Variants in HK2 observed in about 807,000 individuals in gnomAD.
The protein encoded by HK2 is hexokinase-2.
In HK2, 42 loss-of-function variants were observed where a neutral mutation model predicts 92.9. That is an observed-to-expected ratio of 0.45 (90% CI 0.35 to 0.58). HK2 has a LOEUF of 0.58. HK2 is among the 20% of genes least tolerant of loss of function. The pLI is 0.00. For synonymous variants in HK2, 422 were observed against 468.0 expected (o/e 0.90, Z 1.27); for missense variants, 978 against 1,245.1 (o/e 0.79, Z 3.23).
Position 74,853,785 on chromosome 2 carries a change from A to G in HK2, c.64-508A>G, listed in dbSNP as rs79411600. On this transcript the variant is annotated intron_variant, in intron 1 of 17. Transcript: ENST00000290573. ...GGATTTTGAGCTTTGTTCCAATGGA[A>G]AGCCCTGAAAGCCGGGGATCAGCGG... is the stretch of plus-strand genomic sequence containing the variant. Among the ~76,000 whole-genome samples, 1,367 of 152,086 alleles carry G rather than the reference A, an allele frequency of 9.0e-3. 15 individuals carry two copies. Among genetic ancestry groups the G allele is most frequent in the East Asian group, 0.068 (352 of 5,178 alleles).
intron 2 of HK2, among the ~76,000 whole-genome samples, chr2:74,860,964 G>A (rs545427487): frequency 2.7e-4 from 41 of 152,154 alleles, no homozygotes; most frequent in African/African-American, 8.7e-4. Context: ...ATTCATTTGC[G>A]TTTGCTAGGA....
chr2:74,866,999 G>A (rs1352134652), intron 2 of HK2, among the ~76,000 whole-genome samples: 2 of 152,098 alleles, frequency 1.3e-5, no homozygotes, highest in East Asian at 1.9e-4. Flanking sequence ...ATTTAATACC[G>A]TGCTTGCAAT....
chr2:74,844,301 C>A (rs1688384240), intron 1 of HK2, among the ~76,000 whole-genome samples: 1 of 152,230 alleles, frequency 6.6e-6, no homozygotes, highest in Admixed American at 6.5e-5. Context: ...TGATCCCCAT[C>A]ATGTTTTTTT....
At chr2:74,854,639 TGGCAGTTAAGGGAG>T (rs1688653036) in intron 2 of HK2, among the ~76,000 whole-genome samples, 184 bp downstream of exon 2, 1 of 152,356 alleles carries the variant, frequency 6.6e-6, no homozygotes, top group East Asian at 1.9e-4. Context: ...CTGGCAGTCC[TGGCAGTTAAGGGAG>T]GGCACCTTTG....
At chr2:74,869,996 CTTTTCTT>C (rs1384046644) in intron 3 of HK2, among the ~76,000 whole-genome samples, 3 of 137,154 alleles carry the variant, frequency 2.2e-5, no homozygotes, top group African/African-American at 8.6e-5. Context: ...TTTTTCTTTT[CTTTTCTT>C]TTTTTTTTTT....
rs367936666 is a variant in HK2 at position 74,878,760 on chromosome 2, C to T, written c.1104C>T (p.Cys368=). 1.1e-4 allele frequency: 182 copies of T among 1,593,396 alleles called. 3 individuals carry two copies. The East Asian group carries it at 3.3e-3, about 29-fold the overall frequency. ...GCCTGGACCCGACTCAGGAGGACTG[C>T]GTGGCCACTCACCGGATCTGCCAGA... ...RLGLDPTQED[C]VATHRICQIV... Residue 368 remains cysteine, a synonymous_variant, in exon 9 of 18, where the codon TGC becomes TGT. Transcript: ENST00000290573.
rs1688084267 is a variant in HK2 at position 74,834,128 on chromosome 2, C to T, written c.-453C>T. 1 of 329,868 alleles carries T rather than the reference C, an allele frequency of 3.0e-6. No individual in the cohort carries two copies. The highest frequency in any genetic ancestry group is 6.0e-6 in the Non-Finnish European group (1 of 167,178). The allele number at this position is 329,868 out of a possible 1,614,324, so 20.4% of individuals were successfully genotyped here. A position where few individuals can be genotyped will look rare whatever the true frequency, so the allele number is the denominator to read the frequency against. On this transcript the variant is annotated 5_prime_UTR_variant, in exon 1 of 18. Transcript: ENST00000290573. This position sits in a 1 kb window ranked among gnomAD's most constrained non-coding sequence, Gnocchi z 4.2. ...GGGCCGGCAGCCCCTCAATAAGCCA[C>T]ATTGTTGCATGAAACTCCGGCGCAG...
chr2:74,838,263 A>C (rs966261304), intron 1 of HK2, among the ~76,000 whole-genome samples: 2 of 152,144 alleles, frequency 1.3e-5, no homozygotes, highest in Non-Finnish European at 2.9e-5. Flanking sequence ...TACAAGAGTA[A>C]AGGAGGAGAC....
At chr2:74,881,921 A>C (rs1161136200) in intron 11 of HK2, 62 bp downstream of exon 11, 39 of 1,580,366 alleles carry the variant, frequency 2.5e-5, no homozygotes, top group Non-Finnish European at 3.1e-5. Context: ...GCCTTCGAGG[A>C]CAGTGCTTTC....
At position 74,855,193 on chromosome 2, in the gene HK2, T is replaced by C. The variant is rs549941728; in HGVS notation, c.226+738T>C. On this transcript the variant is annotated intron_variant, in intron 2 of 17. Transcript: ENST00000290573. Reference sequence around the variant, plus strand: ...GTATTTTTAGTAGAGATGGGGTTTCTCATGTTGGTCAGGTTGGTCTCGAAC... The same window carrying C: ...GTATTTTTAGTAGAGATGGGGTTTCCCATGTTGGTCAGGTTGGTCTCGAAC... Among the ~76,000 whole-genome samples the C allele has an allele frequency of 3.9e-5, 6 of 152,228 alleles. No individual in the cohort carries two copies. In the South Asian group the frequency reaches 1.2e-3, roughly 32 times the overall value.
rs1688101193 is a variant in HK2, at chr2:74,834,519, C to T, written c.-62C>T. The T allele has an allele frequency of 1.3e-6, 2 of 1,552,182 alleles. No homozygotes were observed. The highest frequency in any genetic ancestry group is 2.7e-5 in the African/African-American group (2 of 73,578). ...GCACAAAGCAGTCGGACCGCGCCGCCCGCCTCCCCTCTCGCGTCTCCGCCT... is the reference window on the plus strand; with the variant it reads ...GCACAAAGCAGTCGGACCGCGCCGCTCGCCTCCCCTCTCGCGTCTCCGCCT... On this transcript the variant is annotated 5_prime_UTR_variant, in exon 1 of 18. Coordinates refer to ENST00000290573, the MANE Select transcript of HK2 (RefSeq NM_000189.5). This position sits in a 1 kb window ranked among gnomAD's most constrained non-coding sequence, Gnocchi z 4.2.
chr2:74,859,873 A>G (rs1487978083), intron 2 of HK2, among the ~76,000 whole-genome samples: 1 of 152,224 alleles, frequency 6.6e-6, no homozygotes, highest in Non-Finnish European at 1.5e-5. Context: ...CTGCACTTGT[A>G]TGTTTATCAC....
chr2:74,862,390 G>A (rs1365193583), intron 2 of HK2, among the ~76,000 whole-genome samples: 3 of 152,204 alleles, frequency 2.0e-5, no homozygotes, highest in Admixed American at 6.5e-5. Context: ...AGTCCTCTCC[G>A]AGGCTTGGTC....
intron 2 of HK2, among the ~76,000 whole-genome samples, chr2:74,860,215 T>G: frequency 1.3e-5 from 2 of 150,568 alleles, no homozygotes; most frequent in African/African-American, 4.9e-5. Flanking sequence ...TGGGGGGTGG[T>G]GTGGATGATG....
chr2:74,838,265 G>A lies in HK2; in HGVS notation c.63+3622G>A, dbSNP rs115678239. On this transcript the variant is annotated intron_variant, in intron 1 of 17. Coordinates refer to ENST00000290573, the MANE Select transcript of HK2 (RefSeq NM_000189.5). ...GGTGCTCAGTGAGTACAAGAGTAAA[G>A]GAGGAGACCTTTCTGGAGAAAGAAG... Among the ~76,000 whole-genome samples the A allele has an allele frequency of 6.8e-3, 1,040 of 152,290 alleles. 14 individuals carry two copies. Among genetic ancestry groups the A allele is most frequent in the African/African-American group, 0.024 (996 of 41,536 alleles).
In HK2 at chr2:74,834,783, A is replaced by C. The variant is rs544107803; in HGVS notation, c.63+140A>C. The C allele has an allele frequency of 2.5e-4, 219 of 891,574 alleles. No homozygotes were observed. The East Asian group carries it at 5.6e-3, about 23-fold the overall frequency. The allele number at this position is 891,574 out of a possible 1,614,324, so 55.2% of individuals were successfully genotyped here. On this transcript the variant is annotated intron_variant, in intron 1 of 17. Coordinates refer to ENST00000290573, the MANE Select transcript of HK2 (RefSeq NM_000189.5). This position sits in a 1 kb window ranked among gnomAD's most constrained non-coding sequence, Gnocchi z 4.2. ...CGGAAAAAGTTTGGGCAGCCGGGAC[A>C]CTCCTGGGCGCCAGGAGCCACGTCC...
rs28363065 is a variant in HK2, at chr2:74,890,828, G to A, written c.2641G>A (p.Asp881Asn). ...CAAAGTCATGCATGAGACAGTGAAG[G>A]ACCTGGCTCCGAAATGTGATGTGTC... ...FAKVMHETVK[D>N]LAPKCDVSFL... is the part of the protein sequence containing the mutation. The change falls in exon 18 of 18, where the codon GAC becomes AAC. Residue 881 changes from aspartate (D) to asparagine (N), a missense_variant. Transcript: ENST00000290573. 5.6e-5 allele frequency: 90 copies of A among 1,614,128 alleles called. 1 individual carries two copies. The East Asian group carries it at 1.8e-3, about 32-fold the overall frequency.
At chr2:74,873,046 A>G (rs890511809) in intron 4 of HK2, among the ~76,000 whole-genome samples, 1 of 152,254 alleles carries the variant, frequency 6.6e-6, no homozygotes, top group East Asian at 1.9e-4. Context: ...CCACCGCAGT[A>G]TACACAATCT....
chr2:74,834,745 C>T lies in HK2; in HGVS notation c.63+102C>T, dbSNP rs955769651. The T allele has an allele frequency of 4.4e-6, 6 of 1,365,442 alleles. No individual in the cohort carries two copies. In the East Asian group the frequency reaches 1.4e-4, roughly 32 times the overall value. The allele number at this position is 1,365,442 out of a possible 1,614,324, so 84.6% of individuals were successfully genotyped here. A position where few individuals can be genotyped will look rare whatever the true frequency, so the allele number is the denominator to read the frequency against. Reference sequence around the variant, plus strand: ...TGCGGGGACCCGCTTCCTCCCTACTCCGGGCCTGGGAGCGGAAAAAGTTTG... The same window carrying T: ...TGCGGGGACCCGCTTCCTCCCTACTTCGGGCCTGGGAGCGGAAAAAGTTTG... On this transcript the variant is annotated intron_variant, in intron 1 of 17. Coordinates refer to ENST00000290573, the MANE Select transcript of HK2 (RefSeq NM_000189.5). This position sits in a 1 kb window ranked among gnomAD's most constrained non-coding sequence, Gnocchi z 4.2.
Sources: allele counts gnomAD v4.1 joint callset (sites outside exome capture counted in the v4.1 genomes callset), GRCh38; gene constraint gnomAD v4.1.1; non-coding constraint Gnocchi (gnomAD v3.1); transcripts MANE v1.5; gene names NCBI Gene and HGNC (gene_info 2026-07-23, HGNC 2026-07-21).